Variants in DNAJC5 observed in about 807,000 individuals in gnomAD.
The protein encoded by DNAJC5 is DnaJ heat shock protein family (Hsp40) member C5.
In DNAJC5, 1 loss-of-function variant was observed where a neutral mutation model predicts 23.2. That is an observed-to-expected ratio of 0.04 (90% CI 0.02 to 0.20). The LOEUF (loss-of-function observed/expected upper bound fraction) is 0.20, where lower values mean the gene tolerates loss of function less well. DNAJC5 is among the 10% of genes least tolerant of loss of function. The pLI is 1.00. For missense variants in DNAJC5, 180 were observed against 267.0 expected, an observed-to-expected ratio of 0.67 and a Z score of 2.27; for synonymous variants, 136 against 120.0, an observed-to-expected ratio of 1.13 and a Z score of -0.87.
At position 63,920,010 on chromosome 20, in the gene DNAJC5, G is replaced by A. The variant is rs2053554145; in HGVS notation, c.-11-8325G>A. 2.6e-6 allele frequency: 1 copy of A among 385,552 alleles called. No homozygotes were observed. The highest frequency in any genetic ancestry group is 4.9e-6 in the Non-Finnish European group (1 of 205,884). The allele number at this position is 385,552 out of a possible 1,614,324, so 23.9% of individuals were successfully genotyped here. On this transcript the variant is annotated intron_variant, in intron 1 of 4. Coordinates refer to ENST00000360864, the MANE Select transcript of DNAJC5 (RefSeq NM_025219.3). This position sits in a 1 kb window ranked among gnomAD's most constrained non-coding sequence, Gnocchi z 4.6. ...ACATGTGCCCAGGGCCCGGGACAGC[G>A]CCACGGAAGAGGACGCACCCGGCTG... is the stretch of plus-strand genomic sequence containing the variant.
intron 1 of DNAJC5, among the ~76,000 whole-genome samples, chr20:63,906,894 A>G (rs1030039147): frequency 6.6e-6 from 1 of 152,150 alleles, no homozygotes; most frequent in African/African-American, 2.4e-5. Context: ...ACTTGAGCTC[A>G]GGAGTTTGCC....
intron 1 of DNAJC5, chr20:63,909,147 C>G (rs1356266129): frequency 6.6e-6 from 1 of 151,834 alleles, no homozygotes; most frequent in African/African-American, 2.4e-5. Flanking sequence ...ATACAAAAAT[C>G]AGTCGGGCGT....
Position 63,935,602 on chromosome 20 carries a change from G to T in DNAJC5, c.*4034G>T, listed in dbSNP as rs1296511499. On this transcript the variant is annotated 3_prime_UTR_variant, in exon 5 of 5. Transcript: ENST00000360864. ...TCAGTGGCAAAGCTGCATCTGAAGG[G>T]CGGCCTGGGAAGGGGCCCTGTGCTG... is the stretch of plus-strand genomic sequence containing the variant. 1 of 152,280 alleles carries T rather than the reference G, an allele frequency of 6.6e-6. No individual in the cohort carries two copies. The highest frequency in any genetic ancestry group is 1.5e-5 in the Non-Finnish European group (1 of 68,058). The allele number at this position is 152,280 out of a possible 1,614,324, so 9.4% of individuals were successfully genotyped here.
chr20:63,928,577 T>G lies in DNAJC5; in HGVS notation c.107+125T>G. 1 of 783,008 alleles carries G rather than the reference T, an allele frequency of 1.3e-6. No individual in the cohort carries two copies. The highest frequency in any genetic ancestry group is 2.0e-5 in the Admixed American group (1 of 50,282). 48.5% of individuals were successfully genotyped at this position (783,008 alleles called of 1,614,324 possible). A position where few individuals can be genotyped will look rare whatever the true frequency, so the allele number is the denominator to read the frequency against. On this transcript the variant is annotated intron_variant, in intron 2 of 4. Transcript: ENST00000360864. The surrounding 1 kb of genome is among the most constrained non-coding windows in gnomAD (Gnocchi z 4.6). ...CCTGGCCGACTCAGCGTTGAACTGG[T>G]CACAGCTCGGTAACACCTTTGTATG...
chr20:63,905,165 G>A (rs1345023284), intron 1 of DNAJC5, among the ~76,000 whole-genome samples: 2 of 149,848 alleles, frequency 1.3e-5, no homozygotes, highest in South Asian at 4.2e-4. Context: ...GCCCAGGCTG[G>A]AGTGCCATGG....
intron 1 of DNAJC5, among the ~76,000 whole-genome samples, chr20:63,902,969 G>A (rs1334306692): frequency 6.6e-6 from 1 of 151,832 alleles, no homozygotes; most frequent in African/African-American, 2.4e-5. Context: ...GAGCCACCGC[G>A]CCCTGCCACA....
In DNAJC5 at chr20:63,907,606, G is replaced by A. The variant is rs2053456094; in HGVS notation, c.-12+12283G>A. Among the ~76,000 whole-genome samples the A allele has an allele frequency of 2.0e-5, 3 of 152,130 alleles. No homozygotes were observed. The South Asian group carries it at 6.2e-4, about 31-fold the overall frequency. On this transcript the variant is annotated intron_variant, in intron 1 of 4. Transcript: ENST00000360864. ...CCGTCTCACAGGCCTCTTAGGAAGG[G>A]CTCTGTTCAGTAGATGGCAGGCACG...
chr20:63,926,079 T>C (rs1025766330), intron 1 of DNAJC5, among the ~76,000 whole-genome samples: 20 of 152,150 alleles, frequency 1.3e-4, no homozygotes, highest in African/African-American at 2.7e-4. Flanking sequence ...CTGCCCGCCT[T>C]GGCCTCCCAA....
intron 1 of DNAJC5, among the ~76,000 whole-genome samples, chr20:63,910,872 C>T (rs2053478832): frequency 1.3e-5 from 2 of 152,022 alleles, no homozygotes; most frequent in Admixed American, 6.6e-5. Context: ...GGGGGTTCAC[C>T]ATGTTGGCCA....
chr20:63,931,314 G>T lies in DNAJC5; in HGVS notation c.494-151G>T. 1 of 873,956 alleles carries T rather than the reference G, an allele frequency of 1.1e-6. No homozygotes were observed. The highest frequency in any genetic ancestry group is 1.4e-5 in the South Asian group (1 of 68,978). 54.1% of individuals were successfully genotyped at this position (873,956 alleles called of 1,614,324 possible). ...CCGAGGGCTGGCGGTGACCCAAGGC[G>T]ACGGAGGAAAGCCGTGTGGGGTGGA... On this transcript the variant is annotated intron_variant, in intron 4 of 4. Coordinates refer to ENST00000360864, the MANE Select transcript of DNAJC5 (RefSeq NM_025219.3). This position sits in a 1 kb window ranked among gnomAD's most constrained non-coding sequence, Gnocchi z 9.6.
At position 63,932,043 on chromosome 20, in the gene DNAJC5, C is replaced by T. The variant is rs551783395; in HGVS notation, c.*475C>T. On this transcript the variant is annotated 3_prime_UTR_variant, in exon 5 of 5. Transcript: ENST00000360864. The surrounding 1 kb of genome is among the most constrained non-coding windows in gnomAD (Gnocchi z 4.4). ...TTGGCCTCGGGGTCTGGTCCACACT[C>T]TGTGCTCCCAGCCTTGAGGCTGCAG... 2 of 269,890 alleles carry T rather than the reference C, an allele frequency of 7.4e-6. No homozygotes were observed. The highest frequency in any genetic ancestry group is 7.4e-5 in the South Asian group (2 of 27,160). 16.7% of individuals were successfully genotyped at this position (269,890 alleles called of 1,614,324 possible).
chr20:63,918,361 A>AG (rs1432393995), intron 1 of DNAJC5, among the ~76,000 whole-genome samples: 1 of 152,200 alleles, frequency 6.6e-6, no homozygotes, highest in Non-Finnish European at 1.5e-5. Context: ...AAGGAAAAAA[A>AG]AAGCAGATTA....
rs1370922010 is a variant in DNAJC5 at position 63,929,285 on chromosome 20, G to C, written c.108-27G>C. 2 of 1,604,218 alleles carry C rather than the reference G, an allele frequency of 1.2e-6. No individual in the cohort carries two copies. The highest frequency in any genetic ancestry group is 1.3e-5 in the African/African-American group (1 of 74,598). On this transcript the variant is annotated intron_variant, in intron 2 of 4. Transcript: ENST00000360864. This position sits in a 1 kb window ranked among gnomAD's most constrained non-coding sequence, Gnocchi z 8.6. ...TGCGGGTGGAACAAAGTCCAGGGTAGAGCCAGGACATGGTTTTGGTTTGCA... is the reference window on the plus strand; with the variant it reads ...TGCGGGTGGAACAAAGTCCAGGGTACAGCCAGGACATGGTTTTGGTTTGCA...
At chr20:63,902,658 G>A (rs1483694170) in intron 1 of DNAJC5, among the ~76,000 whole-genome samples, 1 of 146,812 alleles carries the variant, frequency 6.8e-6, no homozygotes, top group Non-Finnish European at 1.5e-5. Flanking sequence ...GTGAGCCAAC[G>A]CACCTGGCCT....
At chr20:63,922,059 G>A (rs1187295229) in intron 1 of DNAJC5, among the ~76,000 whole-genome samples, 8 of 152,018 alleles carry the variant, frequency 5.3e-5, no homozygotes, top group Non-Finnish European at 1.0e-4. Context: ...AATTACAGGC[G>A]TGAGCCACCA....
chr20:63,900,599 AG>A (rs2053405588), intron 1 of DNAJC5, among the ~76,000 whole-genome samples: 10 of 150,518 alleles, frequency 6.6e-5, no homozygotes, highest in Non-Finnish European at 1.2e-4. Flanking sequence ...AAAAAAAAAA[AG>A]GAAGTTCTGT....
At chr20:63,897,163 G>A (rs1047128240) in intron 1 of DNAJC5, among the ~76,000 whole-genome samples, 4 of 152,222 alleles carry the variant, frequency 2.6e-5, no homozygotes, top group Non-Finnish European at 4.4e-5. Context: ...AGGAGGCTGA[G>A]GCGGACGGAT....
In DNAJC5 at chr20:63,935,753, C is replaced by CA. The variant is rs1025013897; in HGVS notation, c.*4186dup. 1.3e-5 allele frequency: 2 copies of CA among 152,220 alleles called. No homozygotes were observed. The highest frequency in any genetic ancestry group is 4.8e-5 in the African/African-American group (2 of 41,448). The allele number at this position is 152,220 out of a possible 1,614,324, so 9.4% of individuals were successfully genotyped here. ...GGAAAATGGGGAAAATGTTTCAAGC[C>CA]AGGTGAGGGGGGAAGTTAACACTGA... On this transcript the variant is annotated 3_prime_UTR_variant, in exon 5 of 5. Coordinates refer to ENST00000360864, the MANE Select transcript of DNAJC5 (RefSeq NM_025219.3).
In DNAJC5 at chr20:63,921,885, C is replaced by T. The variant is rs188149089; in HGVS notation, c.-11-6450C>T. On this transcript the variant is annotated intron_variant, in intron 1 of 4. Transcript: ENST00000360864. ...CCTCCTCCTCCCGGGTTCAAGCCAT[C>T]CTCCTGCCTCAGCCTCCCAACTAGC... 2.4e-3 allele frequency among the ~76,000 whole-genome samples: 362 copies of T among 152,066 alleles called. 3 individuals carry two copies. Among genetic ancestry groups the T allele is most frequent in the Middle Eastern group, 3.4e-3 (1 of 294 alleles).
Sources: gnomAD v4.1 joint callset for allele counts (sites outside exome capture counted in the v4.1 genomes callset) on GRCh38, gnomAD v4.1.1 for gene constraint, Gnocchi (gnomAD v3.1) non-coding constraint, MANE v1.5 for transcripts, NCBI Gene and HGNC (gene_info 2026-07-23, HGNC 2026-07-21) for gene names.